The following MYCBP2 variants were observed in gnomAD, a reference collection of about 807,000 sequenced individuals.
The protein encoded by MYCBP2 is E3 ubiquitin-protein ligase MYCBP2.
Under a neutral mutation model 525.3 loss-of-function variants are expected in MYCBP2, and 120 were observed. That is an observed-to-expected ratio of 0.23 (90% CI 0.20 to 0.27). MYCBP2 has a LOEUF of 0.27. MYCBP2 is among the 10% of genes least tolerant of loss of function. The pLI, the probability that MYCBP2 is intolerant of heterozygous loss-of-function variation, is 1.00. For synonymous variants in MYCBP2, 1,894 were observed against 1,955.8 expected (o/e 0.97, Z 0.83); for missense variants, 4,149 against 5,657.1 (o/e 0.73, Z 8.55).
Position 77,296,589 on chromosome 13 carries a change from G to T in MYCBP2, c.378+10C>A. ...AAGTCCTATTCCTTATCAATTACCA[G>T]CAGCTTTACCTTGCTTCTTGTCTTC... On this transcript the variant is annotated intron_variant, in intron 2 of 82. Transcript: ENST00000544440. 2 of 1,571,596 alleles carry T rather than the reference G, an allele frequency of 1.3e-6. No homozygotes were observed. The highest frequency in any genetic ancestry group is 1.7e-6 in the Non-Finnish European group (2 of 1,166,826).
chr13:77,056,997 G>A lies in MYCBP2; in HGVS notation c.13426C>T (p.Pro4476Ser). Residue 4476 changes from proline to serine, a missense_variant, in exon 79 of 83, where the codon CCC (proline) becomes TCC (serine). Physicochemically the swap from Pro to Ser is moderately conservative, Grantham distance 74 (BLOSUM62 -1). Transcript: ENST00000544440. ...PRITFGFISC[P>S]ICKNKINHIV... ...GATTCTTTCCATACCTTGCAAATGG[G>A]ACAAGATATAAATCCAAATGTTATC... 5.0e-6 allele frequency: 8 copies of A among 1,609,488 alleles called. No individual in the cohort carries two copies. The highest frequency in any genetic ancestry group is 6.8e-6 in the Non-Finnish European group (8 of 1,176,064).
intron 4 of MYCBP2, among the ~76,000 whole-genome samples, chr13:77,275,173 A>C (rs1282238133): frequency 6.6e-6 from 1 of 152,164 alleles, no homozygotes; most frequent in East Asian, 1.9e-4. Flanking sequence ...ATCCAGGGAA[A>C]GAAAATAGTC....
chr13:77,133,732 A>T (rs2053294968), intron 52 of MYCBP2, among the ~76,000 whole-genome samples: 1 of 152,208 alleles, frequency 6.6e-6, no homozygotes, highest in Non-Finnish European at 1.5e-5. Context: ...GTTCACATAC[A>T]TAGCATGTCC....
At chr13:77,047,900 C>A (rs2035910146) in intron 82 of MYCBP2, among the ~76,000 whole-genome samples, 1 of 152,076 alleles carries the variant, frequency 6.6e-6, no homozygotes, top group African/African-American at 2.4e-5. Flanking sequence ...AAACCCTGGG[C>A]CCCAGCCTCA....
chr13:77,324,173 C>T lies in MYCBP2; in HGVS notation c.302+2301G>A, dbSNP rs147482821. Among the ~76,000 whole-genome samples, 280 of 152,304 alleles carry T rather than the reference C, an allele frequency of 1.8e-3. 1 individual carries two copies. The highest frequency in any genetic ancestry group is 6.1e-3 in the African/African-American group (252 of 41,566). On this transcript the variant is annotated intron_variant, in intron 1 of 82. Transcript: ENST00000544440. ...AGTTATCAATGACCTGAAAACGGTT[C>T]TCACTTTCTTCAACATTTACCACTT...
chr13:77,207,936 A>C (rs918865706), intron 23 of MYCBP2, among the ~76,000 whole-genome samples: 15 of 152,144 alleles, frequency 9.9e-5, no homozygotes, highest in Non-Finnish European at 2.1e-4. Context: ...ACTAGAAATT[A>C]TCTGCCCATC....
intron 1 of MYCBP2, among the ~76,000 whole-genome samples, chr13:77,312,756 ATAAT>A (rs1350454199): frequency 3.3e-5 from 5 of 152,200 alleles, no homozygotes; most frequent in Middle Eastern, 6.8e-3. Context: ...AAATATGTCA[ATAAT>A]TAATCATATT....
chr13:77,194,556 C>T (rs561495250), intron 26 of MYCBP2, among the ~76,000 whole-genome samples: 1 of 152,034 alleles, frequency 6.6e-6, no homozygotes, highest in South Asian at 2.1e-4. Flanking sequence ...TGAGAGAACT[C>T]CAACAAAAAA....
At position 77,166,307 on chromosome 13, in the gene MYCBP2, A is replaced by G. The variant is rs760081509; in HGVS notation, c.6340+22T>C. On this transcript the variant is annotated intron_variant, in intron 41 of 82. Coordinates refer to ENST00000544440, the MANE Select transcript of MYCBP2 (RefSeq NM_015057.5). ...AAATGCACTTATTTTACCACATAAA[A>G]CAGAAGAAAAAAAAAACTTACCTGG... The G allele has an allele frequency of 3.3e-6, 5 of 1,525,442 alleles. No homozygotes were observed. The Admixed American group carries it at 9.7e-5, about 30-fold the overall frequency. 94.5% of individuals were successfully genotyped at this position (1,525,442 alleles called of 1,614,324 possible).
In MYCBP2 at chr13:77,169,655, T is replaced by C. The variant is rs201968430; in HGVS notation, c.5854A>G (p.Ile1952Val). The C allele has an allele frequency of 9.3e-6, 15 of 1,613,850 alleles. No homozygotes were observed. The highest frequency in any genetic ancestry group is 3.3e-5 in the Admixed American group (2 of 59,996). Residue 1952 changes from isoleucine (I) to valine (V), a missense_variant, in exon 39 of 83, where the codon ATT becomes GTT. By Grantham distance (29) the Ile-to-Val change is conservative. Transcript: ENST00000544440. The part of the protein sequence containing the change: ...SSLFSMLLPL[I>V]IAYIGPVAAA... The stretch of plus-strand genomic sequence containing the variant: ...GCTACTGGTCCTATGTAGGCTATAA[T>C]AAGGGGGAGCAGCATGGAAAACAGA...
At chr13:77,262,195 C>T in intron 10 of MYCBP2, 66 bp from the exon 11 acceptor site, 1 of 1,297,692 alleles carries the variant, frequency 7.7e-7, no homozygotes. Context: ...ACAACATGCA[C>T]TATTTTAAGT....
chr13:77,225,119 A>T (rs1485225263), intron 19 of MYCBP2, among the ~76,000 whole-genome samples: 1 of 152,256 alleles, frequency 6.6e-6, no homozygotes, highest in East Asian at 1.9e-4. Context: ...ATATGGGAAC[A>T]TGTTACAAAA....
chr13:77,242,067 A>G (rs2068930968), intron 17 of MYCBP2, among the ~76,000 whole-genome samples: 1 of 152,136 alleles, frequency 6.6e-6, no homozygotes, highest in South Asian at 2.1e-4. Context: ...TAATACATAT[A>G]TTTATCTTTG....
At chr13:77,092,709 A>C (rs1324981746) in intron 59 of MYCBP2, 1 of 152,604 alleles carries the variant, frequency 6.6e-6, no homozygotes, top group Non-Finnish European at 1.5e-5. Context: ...TACAGGTGTG[A>C]GCCACAGCGC....
rs985598849 is a variant in MYCBP2 at position 77,068,719 on chromosome 13, T to C, written c.12017A>G (p.Asp4006Gly). Residue 4006 changes from aspartate to glycine, a missense_variant, in exon 70 of 83, where the codon GAT becomes GGT. By Grantham distance (94) the Asp-to-Gly change is moderately conservative. Around this residue, in one of 21 missense-constraint regions of MYCBP2, gnomAD observed 64 missense variants for 131.2 expected, o/e 0.49. Transcript: ENST00000544440. ...AAAGCAGTAGGCATCAGAGGAGGCA[T>C]CTTCATCATTTGGCTGAGAATTGGC... ...ENANSQPNDE[D>G]ASSDAYCFEL... The C allele has an allele frequency of 3.1e-6, 5 of 1,614,070 alleles. No homozygotes were observed. Among genetic ancestry groups the C allele is most frequent in the Non-Finnish European group, 4.2e-6 (5 of 1,180,042 alleles).
chr13:77,270,093 G>C, intron 6 of MYCBP2, 30 bp from the exon 7 acceptor site: 1 of 1,559,762 alleles, frequency 6.4e-7, no homozygotes, highest in East Asian at 2.2e-5. Flanking sequence ...TAGTATATCA[G>C]TGGTTTCATA....
At chr13:77,134,659 T>C (rs965753401) in intron 52 of MYCBP2, among the ~76,000 whole-genome samples, 2 of 152,134 alleles carry the variant, frequency 1.3e-5, no homozygotes, top group African/African-American at 4.8e-5. Context: ...ACAGAGGATC[T>C]GAACCCTTCA....
intron 15 of MYCBP2, among the ~76,000 whole-genome samples, chr13:77,244,754 G>C (rs778403071): frequency 2.0e-5 from 3 of 152,130 alleles, no homozygotes; most frequent in Non-Finnish European, 4.4e-5. Context: ...GAAAATTTTT[G>C]CAATTTACTC....
intron 82 of MYCBP2, 93 bp from the exon 83 acceptor site, chr13:77,045,586 A>G (rs1255048733): frequency 4.0e-6 from 3 of 756,816 alleles, no homozygotes; most frequent in East Asian, 2.6e-5. Context: ...TAGGTTATTC[A>G]AAGAAATAAC....
Sources: gnomAD v4.1 joint callset for allele counts (sites outside exome capture counted in the v4.1 genomes callset) on GRCh38, gnomAD v4.1.1 for gene constraint, gnomAD v4.1.1 regional missense constraint, MANE v1.5 for transcripts, NCBI Gene and HGNC (gene_info 2026-07-23, HGNC 2026-07-21) for gene names.